MPDZ: variants seen among roughly 807,000 people sequenced by gnomAD.
The protein encoded by MPDZ is multiple PDZ domain crumbs cell polarity complex component.
A neutral mutation model predicts 239.1 loss-of-function variants in MPDZ; 234 were observed. That is an observed-to-expected ratio of 0.98 (90% confidence interval 0.88 to 1.09). MPDZ has a LOEUF of 1.09. Ranked by LOEUF, MPDZ falls within the 50% of genes least tolerant of loss-of-function variation. The pLI is 0.00. For missense variants in MPDZ, 3,175 were observed against 2,510.0 expected, an observed-to-expected ratio of 1.26 and a Z score of -5.66; for synonymous variants, 1,048 against 881.3, an observed-to-expected ratio of 1.19 and a Z score of -3.35.
At chr9:13,131,266 C>T (rs569616828) in intron 32 of MPDZ, among the ~76,000 whole-genome samples, 1 of 152,134 alleles carries the variant, frequency 6.6e-6, no homozygotes, top group Non-Finnish European at 1.5e-5. Context: ...CAATGGCTTC[C>T]TCAAGAGATG....
chr9:13,136,235 C>T (rs979855898), intron 30 of MPDZ, 53 bp from the exon 31 acceptor site: 1 of 1,249,884 alleles, frequency 8.0e-7, no homozygotes, highest in Non-Finnish European at 1.1e-6. Context: ...TATTTTCATT[C>T]TCTTACTTCA....
intron 10 of MPDZ, among the ~76,000 whole-genome samples, chr9:13,211,406 G>A (rs1957603411): frequency 6.6e-6 from 1 of 152,000 alleles, no homozygotes; most frequent in East Asian, 1.9e-4. Flanking sequence ...AACACAAGAG[G>A]TTCTCAGAGA....
intron 1 of MPDZ, chr9:13,279,057 G>C (rs959957065): frequency 6.6e-6 from 1 of 152,380 alleles, no homozygotes; most frequent in East Asian, 2.0e-4. Context: ...CAAAAGAAAG[G>C]GGTGGCGGGG....
chr9:13,136,615 C>G (rs1946855849), intron 30 of MPDZ, 97 bp downstream of exon 30: 1 of 835,788 alleles, frequency 1.2e-6, no homozygotes, highest in Non-Finnish European at 1.9e-6. Context: ...CATGAGCCAG[C>G]ATGCCCGGCT....
chr9:13,235,419 A>G (rs370703382), intron 3 of MPDZ, among the ~76,000 whole-genome samples: 54 of 152,300 alleles, frequency 3.5e-4, no homozygotes, highest in African/African-American at 1.1e-3. Context: ...CTTAAACATC[A>G]CTAGGTGATA....
chr9:13,265,672 G>C (rs916692802), intron 1 of MPDZ, among the ~76,000 whole-genome samples: 5 of 152,182 alleles, frequency 3.3e-5, no homozygotes, highest in Admixed American at 3.3e-4. Flanking sequence ...ACCAACTGCT[G>C]TCGGAGGTGA....
chr9:13,217,342 C>CA (rs1407285426), intron 8 of MPDZ, 48 bp from the exon 9 acceptor site: 2 of 1,115,412 alleles, frequency 1.8e-6, no homozygotes, highest in Admixed American at 2.8e-5. Context: ...GTAAAAAAAA[C>CA]AAAAAACAAA....
chr9:13,175,956 T>A, intron 20 of MPDZ, 81 bp from the exon 21 acceptor site: 1 of 1,486,744 alleles, frequency 6.7e-7, no homozygotes, highest in South Asian at 1.3e-5. Context: ...TCACGCATGT[T>A]CTCTAATTGA....
At position 13,249,008 on chromosome 9, in the gene MPDZ, A is replaced by AAAAAAAAAAAAAC. The variant is rs1279043046; in HGVS notation, c.17-1208_17-1207insGTTTTTTTTTTTT. 3.1e-4 allele frequency among the ~76,000 whole-genome samples: 39 copies of AAAAAAAAAAAAAC among 125,348 alleles called. 1 individual carries two copies. The highest frequency in any genetic ancestry group is 5.7e-4 in the Non-Finnish European group (33 of 58,356). The allele number at this position is 125,348 out of a possible 152,430, so 82.2% of individuals were successfully genotyped here. On this transcript the variant is annotated intron_variant, in intron 2 of 46. Coordinates refer to ENST00000319217, the MANE Select transcript of MPDZ (RefSeq NM_001378778.1). ...AAAAAAAAAAAAAAAAAAAAAAAAAAATTGGAATCATCACCAGAGATACTT... is the reference window on the plus strand; with the variant it reads ...AAAAAAAAAAAAAAAAAAAAAAAAAAAAAAAAAAAAAACATTGGAATCATCACCAGAGATACTT...
At chr9:13,182,286 A>C (rs1198301462) in intron 19 of MPDZ, among the ~76,000 whole-genome samples, 1 of 152,134 alleles carries the variant, frequency 6.6e-6, no homozygotes, top group Non-Finnish European at 1.5e-5. Context: ...CAATATAGAA[A>C]AATAAAGAAA....
At chr9:13,160,830 T>TTTTA (rs1554669679) in intron 23 of MPDZ, among the ~76,000 whole-genome samples, 2 of 37,978 alleles carry the variant, frequency 5.3e-5, no homozygotes, top group Non-Finnish European at 1.1e-4. Flanking sequence ...ATTATTAAAA[T>TTTTA]TATATATATA....
intron 1 of MPDZ, among the ~76,000 whole-genome samples, chr9:13,277,070 C>T (rs1974378854): frequency 6.6e-6 from 1 of 152,098 alleles, no homozygotes; most frequent in Admixed American, 6.6e-5. Flanking sequence ...ACTCTGAGAC[C>T]AGCCTCTATT....
At chr9:13,267,448 G>C (rs1346693415) in intron 1 of MPDZ, among the ~76,000 whole-genome samples, 1 of 152,120 alleles carries the variant, frequency 6.6e-6, no homozygotes, top group Non-Finnish European at 1.5e-5. Context: ...TTAAGTAATA[G>C]AGCTGTCTTA....
At chr9:13,185,509 C>T (rs1054617087) in intron 18 of MPDZ, among the ~76,000 whole-genome samples, 1 of 151,996 alleles carries the variant, frequency 6.6e-6, no homozygotes, top group African/African-American at 2.4e-5. Context: ...CCACAAAAAA[C>T]GTTGAGTAAG....
chr9:13,120,202 A>T (rs2131547474), intron 38 of MPDZ: 1 of 152,472 alleles, frequency 6.6e-6, no homozygotes, highest in Non-Finnish European at 1.5e-5. Context: ...AGATAGGTTT[A>T]TGCAAAATAA....
At chr9:13,183,666 G>T in intron 18 of MPDZ, 81 bp from the exon 19 acceptor site, 1 of 1,316,784 alleles carries the variant, frequency 7.6e-7, no homozygotes. Flanking sequence ...AGACTAAAAG[G>T]CAAACTGGTA....
intron 24 of MPDZ, among the ~76,000 whole-genome samples, chr9:13,151,526 C>T (rs1353021031): frequency 6.6e-6 from 1 of 151,976 alleles, no homozygotes; most frequent in Non-Finnish European, 1.5e-5. Context: ...GAAGTTAAGT[C>T]ATCTAAGTAA....
At chr9:13,260,039 G>A (rs1005732784) in intron 1 of MPDZ, among the ~76,000 whole-genome samples, 1 of 150,408 alleles carries the variant, frequency 6.6e-6, no homozygotes, top group Non-Finnish European at 1.5e-5. Context: ...ACACAGTTTT[G>A]CCATGTTGGT....
At chr9:13,195,205 T>TC (rs1955492827) in intron 13 of MPDZ, among the ~76,000 whole-genome samples, 1 of 152,044 alleles carries the variant, frequency 6.6e-6, no homozygotes, top group Non-Finnish European at 1.5e-5. Context: ...GGAGAAAAGT[T>TC]TGAGCCCTGG....
Sources: gnomAD v4.1 joint callset for allele counts (sites outside exome capture counted in the v4.1 genomes callset) on GRCh38, gnomAD v4.1.1 for gene constraint, MANE v1.5 for transcripts, NCBI Gene and HGNC (gene_info 2026-07-23, HGNC 2026-07-21) for gene names.